ATP2B2: variants seen among roughly 807,000 people sequenced by gnomAD.
The protein encoded by ATP2B2 is ATPase plasma membrane Ca2+ transporting 2, also known as plasma membrane calcium-transporting ATPase 2.
A neutral mutation model predicts 120.0 loss-of-function variants in ATP2B2; 15 were observed. That is an observed-to-expected ratio of 0.12 (90% CI 0.08 to 0.19). The LOEUF is 0.19. Ranked by LOEUF, ATP2B2 falls within the 10% of genes least tolerant of loss-of-function variation. The pLI is 1.00. For synonymous variants in ATP2B2, 694 were observed against 700.3 expected, an observed-to-expected ratio of 0.99 and a Z score of 0.14; for missense variants, 1,045 against 1,719.8, an observed-to-expected ratio of 0.61 and a Z score of 6.94.
intron 2 of ATP2B2, among the ~76,000 whole-genome samples, chr3:10,550,330 G>A (rs1426135645): frequency 6.6e-6 from 1 of 152,226 alleles, no homozygotes; most frequent in Non-Finnish European, 1.5e-5. Flanking sequence ...AATGTAGACA[G>A]AGTGTTTTAC....
intron 3 of ATP2B2, among the ~76,000 whole-genome samples, chr3:10,532,601 G>A (rs1484129728): frequency 6.6e-6 from 1 of 152,200 alleles, no homozygotes; most frequent in Non-Finnish European, 1.5e-5. Flanking sequence ...TCAAGTTTCT[G>A]TTCTGTATTA....
chr3:10,525,225 C>T (rs921660757), intron 3 of ATP2B2, among the ~76,000 whole-genome samples: 3 of 152,196 alleles, frequency 2.0e-5, no homozygotes, highest in Non-Finnish European at 2.9e-5. Flanking sequence ...CACCCTCATC[C>T]CCTAACTCCA....
At chr3:10,434,497 G>A (rs1309827720) in intron 2 of ATP2B2, among the ~76,000 whole-genome samples, 2 of 152,052 alleles carry the variant, frequency 1.3e-5, no homozygotes, top group East Asian at 1.9e-4. Flanking sequence ...AAATGGGAGA[G>A]GAAGAAAAAA....
At chr3:10,639,971 G>T (rs982968235) in intron 1 of ATP2B2, among the ~76,000 whole-genome samples, 1 of 152,196 alleles carries the variant, frequency 6.6e-6, no homozygotes, top group South Asian at 2.1e-4. Flanking sequence ...GACAGAGGGG[G>T]CCGTACATCC....
At chr3:10,431,928 A>G (rs2125104119) in intron 2 of ATP2B2, among the ~76,000 whole-genome samples, 1 of 152,316 alleles carries the variant, frequency 6.6e-6, no homozygotes, top group African/African-American at 2.4e-5. Context: ...TTATAGCAAA[A>G]GATAAAAATA....
intron 2 of ATP2B2, among the ~76,000 whole-genome samples, chr3:10,594,526 T>A (rs1279985711): frequency 2.9e-5 from 4 of 138,302 alleles, no homozygotes; most frequent in Non-Finnish European, 4.5e-5. Flanking sequence ...ATGAGAACAC[T>A]TGGACACAGG....
chr3:10,544,278 A>G (rs781314034), intron 2 of ATP2B2, among the ~76,000 whole-genome samples: 7 of 152,228 alleles, frequency 4.6e-5, no homozygotes, highest in Non-Finnish European at 1.0e-4. Flanking sequence ...GCCACTCACC[A>G]CAAATAGGAG....
chr3:10,520,757 C>CTTTTTT (rs5846668), intron 3 of ATP2B2, among the ~76,000 whole-genome samples: 3 of 145,752 alleles, frequency 2.1e-5, no homozygotes, highest in Non-Finnish European at 1.5e-5. Flanking sequence ...CACCTGGCCT[C>CTTTTTT]TTTTTTTTTT....
rs1468202061 is a variant in ATP2B2, at chr3:10,350,570, T to C, written c.2144A>G (p.Glu715Gly). The stretch of plus-strand genomic sequence containing the variant: ...TGCCCGCTGGCACTTGCGGATGGCT[T>C]CTGGGACCTGGGCAGGAGGGCAGGG... The part of the protein sequence containing the change: ...IEDPVRPEVP[E>G]AIRKCQRAGI... The change falls in exon 15 of 23, where the codon GAA (glutamate) becomes GGA (glycine). Residue 715 changes from glutamate (E) to glycine (G), a missense_variant. Physicochemically the swap from Glu to Gly is moderately conservative, Grantham distance 98. Around this residue, in one of 11 missense-constraint regions of ATP2B2, gnomAD observed 343 missense variants for 536.8 expected, o/e 0.64. Coordinates refer to ENST00000360273, the MANE Select transcript of ATP2B2 (RefSeq NM_001001331.4). The C allele has an allele frequency of 6.2e-7, 1 of 1,612,776 alleles. No homozygotes were observed. Among genetic ancestry groups the C allele is most frequent in the East Asian group, 2.2e-5 (1 of 44,878 alleles).
chr3:10,610,442 A>G (rs116646029), intron 2 of ATP2B2, among the ~76,000 whole-genome samples: 2,589 of 152,188 alleles, frequency 0.017, 65 homozygotes, highest in African/African-American at 0.058. Flanking sequence ...AGGCGGCATC[A>G]CTAAGCATTT....
chr3:10,636,480 A>C (rs2070025401), intron 1 of ATP2B2, among the ~76,000 whole-genome samples: 1 of 152,194 alleles, frequency 6.6e-6, no homozygotes, highest in Admixed American at 6.5e-5. Context: ...TGTTCTAACG[A>C]TCAAACTGTT....
In ATP2B2 at chr3:10,343,759, C is replaced by T. The variant is rs1054699542; in HGVS notation, c.2704-794G>A. Among the ~76,000 whole-genome samples, 5 of 152,110 alleles carry T rather than the reference C, an allele frequency of 3.3e-5. No individual in the cohort carries two copies. Among genetic ancestry groups the T allele is most frequent in the East Asian group, 1.9e-4 (1 of 5,176 alleles). Reference sequence around the variant, plus strand: ...TGCCACGAGTTGCAGGACCTCTTCTCGGCCAGATGTCACTGACCTCGCCCC... The same window carrying T: ...TGCCACGAGTTGCAGGACCTCTTCTTGGCCAGATGTCACTGACCTCGCCCC... On this transcript the variant is annotated intron_variant, in intron 18 of 22. Coordinates refer to ENST00000360273, the MANE Select transcript of ATP2B2 (RefSeq NM_001001331.4). The surrounding 1 kb of genome is among the most constrained non-coding windows in gnomAD (Gnocchi z 4.2).
chr3:10,469,101 A>T (rs749079321), intron 1 of ATP2B2, among the ~76,000 whole-genome samples: 9 of 152,234 alleles, frequency 5.9e-5, no homozygotes, highest in Non-Finnish European at 1.3e-4. Context: ...TGCAGTGTGG[A>T]TGGAGAGGAA....
At chr3:10,409,791 T>C (rs962685722) in intron 3 of ATP2B2, among the ~76,000 whole-genome samples, 3 of 152,226 alleles carry the variant, frequency 2.0e-5, no homozygotes, top group Admixed American at 2.0e-4. Context: ...TTATGTGCTA[T>C]TAACTTTTAA....
intron 2 of ATP2B2, among the ~76,000 whole-genome samples, chr3:10,419,431 AAT>A (rs2125056914): frequency 6.6e-6 from 1 of 152,248 alleles, no homozygotes; most frequent in East Asian, 1.9e-4. Flanking sequence ...GTACACCACT[AAT>A]GTTACTCTGG....
intron 1 of ATP2B2, among the ~76,000 whole-genome samples, chr3:10,462,004 G>C (rs944906722): frequency 2.6e-5 from 4 of 151,998 alleles, no homozygotes; most frequent in African/African-American, 9.7e-5. Flanking sequence ...GTCTGCCCAG[G>C]CCTCCATGGC....
upstream of ATP2B2, among the ~76,000 whole-genome samples, chr3:10,509,084 A>G (rs147626515): frequency 9.5e-4 from 144 of 152,278 alleles, no homozygotes; most frequent in African/African-American, 3.3e-3. Flanking sequence ...CTGTCTAGGA[A>G]TGGGGACACA....
chr3:10,507,508 G>A (rs888974381), upstream of ATP2B2, among the ~76,000 whole-genome samples: 1 of 152,210 alleles, frequency 6.6e-6, no homozygotes, highest in African/African-American at 2.4e-5. Flanking sequence ...AGATGTTGGA[G>A]CGAGGGTGGG....
At chr3:10,545,848 T>C (rs2067534045) in intron 2 of ATP2B2, among the ~76,000 whole-genome samples, 4 of 152,168 alleles carry the variant, frequency 2.6e-5, no homozygotes, top group Admixed American at 2.6e-4. Flanking sequence ...TCAAAAAACA[T>C]GTTTTCAAGT....
Sources: allele counts gnomAD v4.1 joint callset (sites outside exome capture counted in the v4.1 genomes callset), GRCh38; gene constraint gnomAD v4.1.1; regional missense constraint gnomAD v4.1.1; non-coding constraint Gnocchi (gnomAD v3.1); transcripts MANE v1.5; gene names NCBI Gene and HGNC (gene_info 2026-07-23, HGNC 2026-07-21).